GOLGB1: variants seen among roughly 807,000 people sequenced by gnomAD.
GOLGB1 encodes golgin B1.
In GOLGB1, 174 loss-of-function variants were observed where a neutral mutation model predicts 336.9. That is an observed-to-expected ratio of 0.52 (90% CI 0.46 to 0.59). GOLGB1 has a LOEUF of 0.59. Among genes scored for constraint, GOLGB1 ranks in the 20% least tolerant of loss-of-function variants. The probability of loss-of-function intolerance (pLI) is 0.00; values close to 1 mark genes in which losing one functional copy is unlikely to be tolerated. For synonymous variants in GOLGB1, 1,208 were observed against 1,289.2 expected (o/e 0.94, Z 1.35); for missense variants, 3,331 against 3,645.3 (o/e 0.91, Z 2.22).
chr3:121,693,647 T>C, intron 13 of GOLGB1, 94 bp downstream of exon 13: 1 of 919,710 alleles, frequency 1.1e-6, no homozygotes, highest in African/African-American at 1.6e-5. Flanking sequence ...TATGCCAAAA[T>C]TAGTCCCATT....
intron 15 of GOLGB1, among the ~76,000 whole-genome samples, chr3:121,680,249 G>T (rs1217463413): frequency 6.6e-6 from 1 of 152,186 alleles, no homozygotes; most frequent in Non-Finnish European, 1.5e-5. Flanking sequence ...TAACACAGAA[G>T]ATTCAAATAA....
intron 15 of GOLGB1, 48 bp downstream of exon 15, chr3:121,681,639 A>G: frequency 7.7e-7 from 1 of 1,298,874 alleles, no homozygotes; most frequent in Non-Finnish European, 1.1e-6. Flanking sequence ...ATTTCAAAAT[A>G]AAAAGTTAAA....
chr3:121,733,119 C>G (rs545728861), intron 1 of GOLGB1, among the ~76,000 whole-genome samples: 1 of 151,712 alleles, frequency 6.6e-6, no homozygotes, highest in Non-Finnish European at 1.5e-5. Flanking sequence ...GTCAGGAGAT[C>G]GACACCATCT....
intron 1 of GOLGB1, among the ~76,000 whole-genome samples, chr3:121,747,153 TATA>T (rs1560351125): frequency 6.9e-4 from 14 of 20,322 alleles, no homozygotes; most frequent in African/African-American, 1.9e-3. Context: ...ATGGATGTTA[TATA>T]TATATATATA....
At position 121,683,896 on chromosome 3, in the gene GOLGB1, G is replaced by A. The variant is rs541712157; in HGVS notation, c.8695-2031C>T. On this transcript the variant is annotated intron_variant, in intron 14 of 21. Transcript: ENST00000614479. The stretch of plus-strand genomic sequence containing the variant: ...TGTAATCCCAGCACTTTGGGGGGCC[G>A]AGGTGGGCAGATCACGAGGTCAAGA... 1.1e-4 allele frequency among the ~76,000 whole-genome samples: 16 copies of A among 152,146 alleles called. No homozygotes were observed. In the South Asian group the frequency reaches 1.9e-3, roughly 18 times the overall value.
At chr3:121,740,143 G>C (rs1946751824) in intron 1 of GOLGB1, among the ~76,000 whole-genome samples, 1 of 152,152 alleles carries the variant, frequency 6.6e-6, no homozygotes, top group Non-Finnish European at 1.5e-5. Context: ...TATCTTGACT[G>C]TGGCAGTGGA....
intron 1 of GOLGB1, among the ~76,000 whole-genome samples, chr3:121,737,869 T>A (rs1331713804): frequency 6.6e-6 from 1 of 151,950 alleles, no homozygotes; most frequent in Non-Finnish European, 1.5e-5. Context: ...AAAAGATACG[T>A]GAGACAGAAA....
Position 121,691,057 on chromosome 3 carries a change from A to C in GOLGB1, c.8307T>G (p.Ser2769Arg). The change falls in exon 14 of 22, where the codon AGT (serine) becomes AGG (arginine). Residue 2769 changes from serine (S) to arginine (R), a missense_variant. Ser to Arg is a moderately radical substitution (Grantham distance 110). Transcript: ENST00000614479. ...LDELKRKYDA[S>R]LKELAQLKEQ... Reference sequence around the variant, plus strand: ...CTTTCAACTGTGCCAATTCCTTCAGACTGGCATCATATTTCCTTTTCAGTT... The same window carrying C: ...CTTTCAACTGTGCCAATTCCTTCAGCCTGGCATCATATTTCCTTTTCAGTT... 1 of 1,614,032 alleles carries C rather than the reference A, an allele frequency of 6.2e-7. No homozygotes were observed. The highest frequency in any genetic ancestry group is 8.5e-7 in the Non-Finnish European group (1 of 1,179,964).
At chr3:121,741,416 A>T (rs1000459866) in intron 1 of GOLGB1, among the ~76,000 whole-genome samples, 2 of 152,182 alleles carry the variant, frequency 1.3e-5, no homozygotes, top group African/African-American at 4.8e-5. Context: ...TAGCATATGC[A>T]AAAAATAAAA....
intron 1 of GOLGB1, among the ~76,000 whole-genome samples, chr3:121,737,378 C>T (rs55657471): frequency 0.22 from 33,503 of 152,076 alleles, 4,245 homozygotes; most frequent in Non-Finnish European, 0.29. Context: ...AGGGGCCGGG[C>T]GTGGTGGCTC....
chr3:121,691,680 C>A lies in GOLGB1; in HGVS notation c.7684G>T (p.Val2562Phe), dbSNP rs1161672107. ...KDSQQKQLLE[V>F]QLQQNKELEN... ...AGCTCCTTATTTTGCTGAAGTTGAA[C>A]TTCAAGAAGCTGCTTTTGTTGGCTG... is the stretch of plus-strand genomic sequence containing the variant. The change falls in exon 14 of 22, where the codon GTT becomes TTT. Residue 2562 changes from valine (V) to phenylalanine (F), a missense_variant. Physicochemically the swap from Val to Phe is conservative, Grantham distance 50. Transcript: ENST00000614479. 6.2e-7 allele frequency: 1 copy of A among 1,611,152 alleles called. No homozygotes were observed. The highest frequency in any genetic ancestry group is 1.1e-5 in the South Asian group (1 of 90,292).
intron 17 of GOLGB1, among the ~76,000 whole-genome samples, chr3:121,675,765 A>T (rs890290304): frequency 3.3e-5 from 5 of 152,138 alleles, no homozygotes; most frequent in African/African-American, 4.8e-5. Flanking sequence ...AACATTAAAA[A>T]TTTTTTTTAG....
intron 3 of GOLGB1, among the ~76,000 whole-genome samples, chr3:121,729,588 A>T (rs946842938): frequency 6.6e-6 from 1 of 150,794 alleles, no homozygotes; most frequent in Non-Finnish European, 1.5e-5. Flanking sequence ...TTTTTTTTAA[A>T]TTTTTTTTTG....
intron 1 of GOLGB1, among the ~76,000 whole-genome samples, chr3:121,731,904 A>G (rs547063646): frequency 1.4e-3 from 208 of 152,292 alleles, no homozygotes; most frequent in Middle Eastern, 3.4e-3. Context: ...TGAAAAGATC[A>G]ATAAAATTGA....
At chr3:121,710,491 T>C (rs1944258237) in intron 10 of GOLGB1, among the ~76,000 whole-genome samples, 1 of 152,224 alleles carries the variant, frequency 6.6e-6, no homozygotes, top group Admixed American at 6.5e-5. Flanking sequence ...CAGTTAACTC[T>C]TGAATATGGG....
At chr3:121,708,410 T>C (rs1480225071) in intron 10 of GOLGB1, among the ~76,000 whole-genome samples, 1 of 151,954 alleles carries the variant, frequency 6.6e-6, no homozygotes, top group African/African-American at 2.4e-5. Context: ...GGCAGGAGGA[T>C]CACTTGAGCC....
intron 10 of GOLGB1, among the ~76,000 whole-genome samples, chr3:121,708,705 T>C (rs1235686890): frequency 1.3e-5 from 2 of 152,212 alleles, no homozygotes; most frequent in African/African-American, 4.8e-5. Context: ...TTACTGTATG[T>C]CAAGTATACC....
At chr3:121,721,809 G>C (rs1945219218) in intron 6 of GOLGB1, among the ~76,000 whole-genome samples, 3 of 152,040 alleles carry the variant, frequency 2.0e-5, no homozygotes, top group African/African-American at 7.2e-5. Flanking sequence ...TCTCATTACA[G>C]GCTCACTAAG....
chr3:121,738,249 C>T (rs1330323065), intron 1 of GOLGB1, among the ~76,000 whole-genome samples: 1 of 152,098 alleles, frequency 6.6e-6, no homozygotes, highest in African/African-American at 2.4e-5. Context: ...CACTTTGGAA[C>T]AAAGAAAACA....
Sources: gnomAD v4.1 joint callset for allele counts (sites outside exome capture counted in the v4.1 genomes callset) on GRCh38, gnomAD v4.1.1 for gene constraint, MANE v1.5 for transcripts, NCBI Gene and HGNC (gene_info 2026-07-23, HGNC 2026-07-21) for gene names.